The following THSD4 variants were observed in gnomAD, a reference collection of about 807,000 sequenced individuals.
THSD4 encodes the protein thrombospondin type 1 domain containing 4.
A neutral mutation model predicts 119.0 loss-of-function variants in THSD4; 69 were observed. The observed-to-expected ratio is 0.58, with a 90% CI of 0.48 to 0.71. THSD4 has a LOEUF of 0.71. THSD4 is among the 30% of genes least tolerant of loss of function. The pLI is 0.00. For missense variants in THSD4, 1,393 were observed against 1,391.1 expected, an observed-to-expected ratio of 1.00 and a Z score of -0.02; for synonymous variants, 524 against 540.4, an observed-to-expected ratio of 0.97 and a Z score of 0.42.
chr15:71,369,717 C>T (rs1321398899), intron 6 of THSD4, among the ~76,000 whole-genome samples: 3 of 152,178 alleles, frequency 2.0e-5, no homozygotes, highest in African/African-American at 7.2e-5. Context: ...CATCAATGTT[C>T]ATCAAGGATA....
intron 4 of THSD4, among the ~76,000 whole-genome samples, chr15:71,222,406 A>G (rs892149734): frequency 6.6e-6 from 1 of 152,024 alleles, no homozygotes; most frequent in African/African-American, 2.4e-5. Context: ...CATTCATCAC[A>G]CTCATTAACC....
intron 7 of THSD4, among the ~76,000 whole-genome samples, chr15:71,654,673 C>T (rs1051501859): frequency 6.6e-6 from 1 of 152,176 alleles, no homozygotes; most frequent in Admixed American, 6.5e-5. Flanking sequence ...AACGTTTTGG[C>T]ATCCATATGC....
intron 14 of THSD4, among the ~76,000 whole-genome samples, chr15:71,755,452 T>C (rs2053520853): frequency 6.6e-6 from 1 of 152,108 alleles, no homozygotes; most frequent in African/African-American, 2.4e-5. Flanking sequence ...TCTAAAATAA[T>C]ACGGGTAGAA....
chr15:71,142,462 T>C (rs2040614087), intron 2 of THSD4, among the ~76,000 whole-genome samples: 1 of 152,140 alleles, frequency 6.6e-6, no homozygotes, highest in African/African-American at 2.4e-5. Context: ...TCTCAATATA[T>C]AAAATAGACA....
chr15:71,686,883 G>C (rs1320426619), intron 8 of THSD4, among the ~76,000 whole-genome samples: 1 of 152,136 alleles, frequency 6.6e-6, no homozygotes, highest in Admixed American at 6.5e-5. Flanking sequence ...GCCATATTTG[G>C]CTCAGAGACT....
intron 5 of THSD4, among the ~76,000 whole-genome samples, chr15:71,245,545 C>T (rs533920071): frequency 6.6e-5 from 10 of 152,298 alleles, no homozygotes; most frequent in African/African-American, 2.2e-4. Flanking sequence ...AGGAAAGGCT[C>T]ATAGGCCGAA....
intron 4 of THSD4, among the ~76,000 whole-genome samples, chr15:71,236,523 C>A (rs900169019): frequency 6.6e-6 from 1 of 152,130 alleles, no homozygotes. Flanking sequence ...TCCTCAGGGC[C>A]ATAATAGTTT....
At chr15:71,511,837 G>A (rs146956664) in intron 7 of THSD4, among the ~76,000 whole-genome samples, 2 of 152,276 alleles carry the variant, frequency 1.3e-5, no homozygotes, top group African/African-American at 2.4e-5. Context: ...CTTTAGCATC[G>A]ATAAGAAAAG....
At chr15:71,238,317 T>A (rs2044123704) in intron 4 of THSD4, among the ~76,000 whole-genome samples, 1 of 152,238 alleles carries the variant, frequency 6.6e-6, no homozygotes, top group Admixed American at 6.5e-5. Context: ...TATTGAGATA[T>A]AACTTACATA....
intron 7 of THSD4, among the ~76,000 whole-genome samples, chr15:71,614,087 ATTC>A (rs1174474656): frequency 6.6e-6 from 1 of 152,210 alleles, no homozygotes; most frequent in African/African-American, 2.4e-5. Flanking sequence ...AAAGAACCCT[ATTC>A]TTATCTTTCT....
intron 8 of THSD4, among the ~76,000 whole-genome samples, chr15:71,683,728 A>G (rs1234308962): frequency 6.6e-6 from 1 of 152,168 alleles, no homozygotes; most frequent in African/African-American, 2.4e-5. Context: ...TAATCCCAGC[A>G]CTTTGGGAGG....
intron 7 of THSD4, among the ~76,000 whole-genome samples, chr15:71,640,171 C>G (rs1002582126): frequency 6.6e-6 from 1 of 152,118 alleles, no homozygotes; most frequent in East Asian, 1.9e-4. Context: ...TAGCCTCGAC[C>G]TCTTGGGCTC....
In THSD4 at chr15:71,723,331, A is replaced by T. The variant is rs529012015; in HGVS notation, c.1358-5218A>T. On this transcript the variant is annotated intron_variant, in intron 8 of 17. Transcript: ENST00000261862. ...CAATACTTGCAATATTAAATTTTTT[A>T]AAATGTTTGCTAATTTGGATGGTCA... Among the ~76,000 whole-genome samples, 24 of 152,290 alleles carry T rather than the reference A, an allele frequency of 1.6e-4. No individual in the cohort carries two copies. The East Asian group carries it at 2.1e-3, about 13-fold the overall frequency.
intron 6 of THSD4, among the ~76,000 whole-genome samples, chr15:71,406,841 G>C (rs1288482590): frequency 6.6e-6 from 1 of 151,748 alleles, no homozygotes; most frequent in East Asian, 1.9e-4. Context: ...CACCAAGCCC[G>C]GCTAATTTTT....
At chr15:71,758,472 C>A (rs1023568038) in intron 15 of THSD4, among the ~76,000 whole-genome samples, 1 of 152,140 alleles carries the variant, frequency 6.6e-6, no homozygotes, top group African/African-American at 2.4e-5. Flanking sequence ...GTGGCTGCTG[C>A]TATTATTCCT....
chr15:71,126,017 G>C lies in THSD4; in HGVS notation c.-80+10319G>C, dbSNP rs180773056. 7.2e-5 allele frequency among the ~76,000 whole-genome samples: 11 copies of C among 152,330 alleles called. No homozygotes were observed. The East Asian group carries it at 1.9e-3, about 27-fold the overall frequency. ...CTTTCATTATTCTGTTGGGCAGGGG[G>C]CTGGCATTCTTCCTGTGTGTTTGGT... On this transcript the variant is annotated intron_variant, in intron 1 of 17. Transcript: ENST00000261862.
intron 7 of THSD4, among the ~76,000 whole-genome samples, chr15:71,508,635 G>C (rs2048230668): frequency 1.3e-5 from 2 of 152,152 alleles, no homozygotes; most frequent in Admixed American, 6.6e-5. Context: ...AAAGTAAAGG[G>C]GGTGAGCTAA....
intron 3 of THSD4, among the ~76,000 whole-genome samples, chr15:71,199,573 AG>A (rs1567154614): frequency 7.0e-4 from 33 of 47,128 alleles, no homozygotes; most frequent in African/African-American, 3.1e-3. Context: ...GTGTGTGTGT[AG>A]TGTGTGTGTG....
At chr15:71,269,624 A>G (rs2044506099) in intron 6 of THSD4, among the ~76,000 whole-genome samples, 1 of 152,220 alleles carries the variant, frequency 6.6e-6, no homozygotes, top group Non-Finnish European at 1.5e-5. Context: ...AGAAATAAAT[A>G]AATGGTATTA....
Sources: gnomAD v4.1 joint callset for allele counts (sites outside exome capture counted in the v4.1 genomes callset) on GRCh38, gnomAD v4.1.1 for gene constraint, MANE v1.5 for transcripts, NCBI Gene and HGNC (gene_info 2026-07-23, HGNC 2026-07-21) for gene names.